IGFL2: variants seen among roughly 807,000 people sequenced by gnomAD.
IGFL2 encodes the protein IGF like family member 2.
A neutral mutation model predicts 13.9 loss-of-function variants in IGFL2; 7 were observed. The ratio of observed to expected loss-of-function variants is 0.51; its 90% CI spans 0.29 to 0.95. IGFL2 has a LOEUF of 0.95. IGFL2 is among the 40% of genes least tolerant of loss of function. IGFL2 has a pLI of 0.08. For missense variants in IGFL2, 138 were observed against 147.8 expected (o/e 0.93, Z 0.34); for synonymous variants, 55 against 55.8 (o/e 0.99, Z 0.07).
At chr19:46,170,865 A>G in the IGFL2 span, among the ~76,000 whole-genome samples, 4 of 152,186 alleles carry the variant, frequency 2.6e-5, no homozygotes, top group Non-Finnish European at 2.9e-5. Flanking sequence ...ATGTTTATCA[A>G]TGACAATGTG....
At chr19:46,196,430 C>T in the IGFL2 span, among the ~76,000 whole-genome samples, 1 of 152,308 alleles carries the variant, frequency 6.6e-6, no homozygotes, top group South Asian at 2.1e-4. Flanking sequence ...TGGGTCAGCC[C>T]CATCCACAGC....
the IGFL2 span, among the ~76,000 whole-genome samples, chr19:46,105,911 G>T: frequency 6.6e-6 from 1 of 152,126 alleles, no homozygotes; most frequent in Admixed American, 6.5e-5. Context: ...GAAAAGGGTT[G>T]GGATGAGTTA....
chr19:46,174,291 C>T, the IGFL2 span, among the ~76,000 whole-genome samples: 1 of 152,186 alleles, frequency 6.6e-6, no homozygotes, highest in African/African-American at 2.4e-5. Context: ...AACACAGTGA[C>T]AGCAGAGCAT....
At chr19:46,079,454 G>T in the IGFL2 span, among the ~76,000 whole-genome samples, 1 of 152,190 alleles carries the variant, frequency 6.6e-6, no homozygotes, top group East Asian at 1.9e-4. Flanking sequence ...GGTCACTTTA[G>T]TGCATCCTCC....
intron 2 of IGFL2, 45 bp from the exon 3 acceptor site, chr19:46,160,569 G>T (rs759149246): frequency 5.0e-6 from 8 of 1,613,368 alleles, no homozygotes. Flanking sequence ...TGTAGTGCCT[G>T]GTTATCCTTG....
At chr19:46,193,146 C>T in the IGFL2 span, among the ~76,000 whole-genome samples, 1 of 152,036 alleles carries the variant, frequency 6.6e-6, no homozygotes, top group Non-Finnish European at 1.5e-5. Context: ...GAGCCAAGAT[C>T]GTGTCACTGC....
the IGFL2 span, chr19:46,114,010 C>A: frequency 6.6e-6 from 1 of 152,230 alleles, no homozygotes; most frequent in Non-Finnish European, 1.5e-5. Context: ...GGAAATCAAC[C>A]CACTTTTCTA....
intron 1 of IGFL2, chr19:46,149,104 C>T (rs1017373433): frequency 3.2e-6 from 4 of 1,255,524 alleles, no homozygotes; most frequent in African/African-American, 3.0e-5. Context: ...ATGAGCAATG[C>T]CTGCTGTGTT....
At chr19:46,143,475 G>A (rs536827459), upstream of IGFL2, among the ~76,000 whole-genome samples, 58 of 149,146 alleles carry the variant, frequency 3.9e-4, 1 homozygote, top group South Asian at 3.8e-3. Context: ...ATCATGGCTC[G>A]CTCCAGCCTT....
chr19:46,187,129 A>T, the IGFL2 span, among the ~76,000 whole-genome samples: 2 of 149,876 alleles, frequency 1.3e-5, no homozygotes, highest in African/African-American at 5.0e-5. Context: ...TGCTGCTGGT[A>T]TGTGCTACCT....
the IGFL2 span, among the ~76,000 whole-genome samples, chr19:46,082,066 G>A: frequency 5.9e-5 from 9 of 152,164 alleles, 1 homozygote; most frequent in South Asian, 1.9e-3. Flanking sequence ...TACATTGGCT[G>A]TTTCATTCTT....
the IGFL2 span, chr19:46,136,790 G>T: frequency 3.0e-6 from 2 of 662,960 alleles, no homozygotes; most frequent in South Asian, 1.4e-5. Context: ...CAACCCGTTT[G>T]AGTGCAACAT....
At chr19:46,209,869 T>A in the IGFL2 span, 3 of 152,332 alleles carry the variant, frequency 2.0e-5, no homozygotes, top group East Asian at 5.8e-4. Context: ...GACTGTGGAT[T>A]TTTTTGCTCA....
the IGFL2 span, chr19:46,123,745 T>G: frequency 2.2e-5 from 20 of 904,982 alleles, no homozygotes; most frequent in East Asian, 1.0e-4. Context: ...CTTATCTGCT[T>G]CTTCTTTTTG....
chr19:46,193,046 G>A, the IGFL2 span, among the ~76,000 whole-genome samples: 1 of 151,982 alleles, frequency 6.6e-6, no homozygotes, highest in Non-Finnish European at 1.5e-5. Context: ...ACAAAAATTA[G>A]CCGGGTGCTG....
At chr19:46,120,471 C>T in the IGFL2 span, 7 of 1,447,972 alleles carry the variant, frequency 4.8e-6, no homozygotes, top group Non-Finnish European at 6.6e-6. Flanking sequence ...ACTGCTACAC[C>T]AGATGTGTAG....
At chr19:46,086,723 A>T in the IGFL2 span, among the ~76,000 whole-genome samples, 1 of 152,186 alleles carries the variant, frequency 6.6e-6, no homozygotes, top group Non-Finnish European at 1.5e-5. Flanking sequence ...TTACGTTGAT[A>T]TCTGCACATC....
chr19:46,136,120 T>G, the IGFL2 span, among the ~76,000 whole-genome samples: 1 of 152,222 alleles, frequency 6.6e-6, no homozygotes, highest in Non-Finnish European at 1.5e-5. Flanking sequence ...TTCCCAGATT[T>G]GGATGTCAAC....
At chr19:46,177,233 G>A in the IGFL2 span, among the ~76,000 whole-genome samples, 1 of 151,716 alleles carries the variant, frequency 6.6e-6, no homozygotes, top group Non-Finnish European at 1.5e-5. Flanking sequence ...TGTCTCTACT[G>A]AAAATACAAA....
Sources: gnomAD v4.1 joint callset for allele counts (sites outside exome capture counted in the v4.1 genomes callset) on GRCh38, gnomAD v4.1.1 for gene constraint, MANE v1.5 for transcripts, NCBI Gene and HGNC (gene_info 2026-07-23, HGNC 2026-07-21) for gene names.